The following SPATA6 variants were observed in gnomAD, a reference collection of about 807,000 sequenced individuals.
SPATA6 encodes spermatogenesis associated 6, also known as spermatogenesis-associated protein 6.
A neutral mutation model predicts 65.3 loss-of-function variants in SPATA6; 56 were observed. The ratio of observed to expected loss-of-function variants is 0.86; its 90% CI spans 0.69 to 1.07. The LOEUF (loss-of-function observed/expected upper bound fraction) is 1.07. Ranked by LOEUF, SPATA6 falls within the 50% of genes least tolerant of loss-of-function variation. SPATA6 has a pLI of 0.00. For missense variants in SPATA6, 590 were observed against 594.8 expected (o/e 0.99, Z 0.08); for synonymous variants, 199 against 213.2 (o/e 0.93, Z 0.58).
At chr1:48,436,051 C>T in intron 3 of SPATA6, 1 of 1,609,312 alleles carries the variant, frequency 6.2e-7, no homozygotes. Context: ...CAGTATCCAT[C>T]AATACTTGGT....
intron 10 of SPATA6, among the ~76,000 whole-genome samples, chr1:48,358,292 T>A (rs1280554169): frequency 6.6e-6 from 1 of 151,980 alleles, no homozygotes; most frequent in Non-Finnish European, 1.5e-5. Context: ...GGTTTACAAT[T>A]GGAGAGTTCT....
intron 11 of SPATA6, among the ~76,000 whole-genome samples, chr1:48,350,259 AT>A (rs71056664): frequency 2.1e-5 from 3 of 141,512 alleles, no homozygotes; most frequent in African/African-American, 7.8e-5. Context: ...TTGGTTATTT[AT>A]TTTTTTTGTT....
chr1:48,267,909 G>T, the SPATA6 span, among the ~76,000 whole-genome samples: 1 of 151,576 alleles, frequency 6.6e-6, no homozygotes, highest in Non-Finnish European at 1.5e-5. Context: ...CCGCCACCAC[G>T]CTTGGCTAAT....
chr1:48,366,721 T>C (rs1647028642), intron 9 of SPATA6, among the ~76,000 whole-genome samples: 1 of 152,194 alleles, frequency 6.6e-6, no homozygotes, highest in South Asian at 2.1e-4. Flanking sequence ...GGTCTATCAA[T>C]TTTGTTGATC....
chr1:48,336,560 A>G (rs551394143), intron 11 of SPATA6, among the ~76,000 whole-genome samples: 7 of 152,176 alleles, frequency 4.6e-5, no homozygotes, highest in South Asian at 2.1e-4. Context: ...GTTCTCACCT[A>G]TAAGTGAGAG....
intron 11 of SPATA6, among the ~76,000 whole-genome samples, chr1:48,341,030 A>G (rs1200549768): frequency 1.3e-5 from 2 of 152,210 alleles, no homozygotes; most frequent in Admixed American, 6.5e-5. Context: ...CACATTATCA[A>G]TTCACACCCT....
At chr1:48,385,401 A>G (rs1470869673) in intron 8 of SPATA6, 52 bp from the exon 9 acceptor site, 9 of 1,474,688 alleles carry the variant, frequency 6.1e-6, no homozygotes, top group Non-Finnish European at 8.4e-6. Flanking sequence ...TTCATCTTTG[A>G]TTTTTAATAC....
chr1:48,315,671 T>C (rs184689336), intron 11 of SPATA6, among the ~76,000 whole-genome samples: 273 of 152,222 alleles, frequency 1.8e-3, no homozygotes, highest in African/African-American at 6.4e-3. Context: ...TTCAACATAG[T>C]GTTGGAAGTT....
chr1:48,468,621 G>A (rs1265435674), intron 1 of SPATA6, among the ~76,000 whole-genome samples: 1 of 152,110 alleles, frequency 6.6e-6, no homozygotes, highest in African/African-American at 2.4e-5. Flanking sequence ...AGGGGTGATG[G>A]AAGTGTTCCA....
intron 8 of SPATA6, among the ~76,000 whole-genome samples, chr1:48,390,430 G>A (rs765862028): frequency 6.6e-6 from 1 of 152,168 alleles, no homozygotes; most frequent in Non-Finnish European, 1.5e-5. Flanking sequence ...AGGGGTGGAC[G>A]ATGAAGAGCG....
At chr1:48,357,306 T>C (rs758775401) in intron 10 of SPATA6, among the ~76,000 whole-genome samples, 4 of 152,158 alleles carry the variant, frequency 2.6e-5, no homozygotes. Context: ...ATAACACTTA[T>C]AACCAAAATT....
chr1:48,376,879 G>T (rs1043837753), intron 9 of SPATA6, among the ~76,000 whole-genome samples: 1 of 152,102 alleles, frequency 6.6e-6, no homozygotes, highest in African/African-American at 2.4e-5. Flanking sequence ...GAATGATAAG[G>T]ATTTGTATAT....
chr1:48,281,641 CTCT>C, the SPATA6 span, among the ~76,000 whole-genome samples: 1 of 151,224 alleles, frequency 6.6e-6, no homozygotes, highest in Non-Finnish European at 1.5e-5. Context: ...CGTGAAGGAC[CTCT>C]TCAAGGAGAA....
At chr1:48,313,772 C>T (rs1483077041) in intron 11 of SPATA6, among the ~76,000 whole-genome samples, 1 of 151,930 alleles carries the variant, frequency 6.6e-6, no homozygotes, top group Non-Finnish European at 1.5e-5. Flanking sequence ...GAGTCAAGAC[C>T]CATCAGTGTG....
chr1:48,445,351 G>T (rs975732698), intron 3 of SPATA6, among the ~76,000 whole-genome samples: 7 of 152,136 alleles, frequency 4.6e-5, no homozygotes, highest in Admixed American at 4.6e-4. Context: ...TTCCATTACA[G>T]ATCTACGTAG....
chr1:48,270,102 TA>T, the SPATA6 span, among the ~76,000 whole-genome samples: 1 of 152,116 alleles, frequency 6.6e-6, no homozygotes, highest in African/African-American at 2.4e-5. Flanking sequence ...TAGTGATGCT[TA>T]AACTTGTGGT....
Position 48,355,751 on chromosome 1 carries a change from A to T in SPATA6, c.1113T>A (p.Cys371Ter). 6 of 1,612,958 alleles carry T rather than the reference A, an allele frequency of 3.7e-6. No individual in the cohort carries two copies. Among genetic ancestry groups the T allele is most frequent in the South Asian group, 1.1e-5 (1 of 90,926 alleles). ...GGATCTCATCGCAGTTTGAAGGTGA[A>T]CACCAATCAGAATGAAATCTGTAGG... is the stretch of plus-strand genomic sequence containing the variant. Reference protein sequence around the residue: ...SLRERFHSDWCSPSNCDEIHD... With the variant: ...SLRERFHSDW Residue 371 changes from cysteine (C) to a stop codon, truncating the protein, a stop_gained, in exon 11 of 13, where the codon TGT (cysteine) becomes TGA (stop). Transcript: ENST00000371847. LOFTEE classifies it high-confidence loss of function.
chr1:48,457,080 T>A (rs1051984046), intron 1 of SPATA6, among the ~76,000 whole-genome samples: 4 of 147,590 alleles, frequency 2.7e-5, no homozygotes, highest in African/African-American at 1.0e-4. Flanking sequence ...AAAAAAAAAA[T>A]TTAAAACTTT....
At chr1:48,344,970 G>C (rs528852960) in intron 11 of SPATA6, among the ~76,000 whole-genome samples, 1 of 152,212 alleles carries the variant, frequency 6.6e-6, no homozygotes, top group Admixed American at 6.5e-5. Context: ...GATCGAGACA[G>C]AAAATCAACA....
Sources: gnomAD v4.1 joint callset for allele counts (sites outside exome capture counted in the v4.1 genomes callset) on GRCh38, gnomAD v4.1.1 for gene constraint, MANE v1.5 for transcripts, NCBI Gene and HGNC (gene_info 2026-07-23, HGNC 2026-07-21) for gene names.